The following PPP3R1 variants were observed in gnomAD, a reference collection of about 807,000 sequenced individuals.
PPP3R1 encodes calcineurin subunit B type 1.
In PPP3R1, 5 loss-of-function variants were observed where a neutral mutation model predicts 22.6. The ratio of observed to expected loss-of-function variants is 0.22; its 90% CI spans 0.12 to 0.46. The LOEUF (loss-of-function observed/expected upper bound fraction) is 0.46, where lower values mean the gene tolerates loss of function less well. Ranked by LOEUF, PPP3R1 falls within the 20% of genes least tolerant of loss-of-function variation. PPP3R1 has a pLI of 0.99. For synonymous variants in PPP3R1, 56 were observed against 65.2 expected (o/e 0.86, Z 0.68); for missense variants, 61 against 203.2 (o/e 0.30, Z 4.25).
chr2:68,182,537 C>T (rs1467401726), intron 5 of PPP3R1, among the ~76,000 whole-genome samples: 4 of 151,728 alleles, frequency 2.6e-5, no homozygotes, highest in Admixed American at 6.6e-5. Flanking sequence ...ATTTTTCAGC[C>T]AGGTGCGGTG....
chr2:68,223,947 C>T (rs1189174104), intron 1 of PPP3R1, among the ~76,000 whole-genome samples: 2 of 151,890 alleles, frequency 1.3e-5, no homozygotes, highest in Non-Finnish European at 2.9e-5. Context: ...TTAAGCAAGA[C>T]GGCAAGATAA....
Position 68,179,806 on chromosome 2 carries a change from G to T in PPP3R1, c.*1157C>A, listed in dbSNP as rs1446025372. On this transcript the variant is annotated 3_prime_UTR_variant, in exon 6 of 6. Transcript: ENST00000234310. The stretch of plus-strand genomic sequence containing the variant: ...AAGAAATTTAAGTGGCATAAATTTG[G>T]ATACAATTTTGCTCTTCTGTGGCAT... 1.3e-5 allele frequency: 2 copies of T among 152,122 alleles called. No homozygotes were observed. Among genetic ancestry groups the T allele is most frequent in the Non-Finnish European group, 2.9e-5 (2 of 68,006 alleles). 9.4% of individuals were successfully genotyped at this position (152,122 alleles called of 1,614,324 possible).
chr2:68,188,474 TTAGA>T, intron 3 of PPP3R1, 36 bp downstream of exon 3: 1 of 1,473,588 alleles, frequency 6.8e-7, no homozygotes, highest in South Asian at 1.3e-5. Flanking sequence ...TACAAATAGG[TTAGA>T]TAACTTGTGG....
chr2:68,205,228 G>A (rs1444281815), intron 2 of PPP3R1, among the ~76,000 whole-genome samples: 1 of 147,348 alleles, frequency 6.8e-6, no homozygotes, highest in Middle Eastern at 3.2e-3. Context: ...TTCCTTGTAA[G>A]TAATCAGTAT....
chr2:68,250,228 CT>C (rs1326312994), intron 1 of PPP3R1, among the ~76,000 whole-genome samples: 10 of 151,012 alleles, frequency 6.6e-5, no homozygotes, highest in Non-Finnish European at 1.3e-4. Flanking sequence ...ACATAATGAC[CT>C]GGCAGGAAAC....
intron 1 of PPP3R1, among the ~76,000 whole-genome samples, chr2:68,231,357 TTTTC>T (rs748842730): frequency 6.6e-5 from 10 of 152,164 alleles, no homozygotes; most frequent in South Asian, 4.2e-4. Flanking sequence ...TTTGCTGAAG[TTTTC>T]TTTCTTTTTT....
chr2:68,197,999 T>G (rs1028231218), intron 2 of PPP3R1, among the ~76,000 whole-genome samples: 1 of 145,170 alleles, frequency 6.9e-6, no homozygotes, highest in Non-Finnish European at 1.5e-5. Context: ...ATAATGACTT[T>G]TTATTCCATA....
chr2:68,197,879 T>A, intron 2 of PPP3R1, among the ~76,000 whole-genome samples: 1 of 151,758 alleles, frequency 6.6e-6, no homozygotes, highest in African/African-American at 2.4e-5. Flanking sequence ...TCTTTACCCA[T>A]CCTTGATCAT....
intron 1 of PPP3R1, among the ~76,000 whole-genome samples, chr2:68,235,049 T>TA (rs1669993688): frequency 6.6e-6 from 1 of 152,194 alleles, no homozygotes; most frequent in African/African-American, 2.4e-5. Flanking sequence ...GACAAGTACT[T>TA]AAATTTTGAA....
chr2:68,199,684 C>T (rs951984196), intron 2 of PPP3R1, among the ~76,000 whole-genome samples: 7 of 152,148 alleles, frequency 4.6e-5, no homozygotes, highest in African/African-American at 1.7e-4. Flanking sequence ...TACATTTTGC[C>T]AAACACTTTG....
chr2:68,252,363 G>T lies in PPP3R1; in HGVS notation c.-236C>A, dbSNP rs1670387304. The T allele has an allele frequency of 2.0e-6, 2 of 1,006,714 alleles. No individual in the cohort carries two copies. The highest frequency in any genetic ancestry group is 2.4e-6 in the Non-Finnish European group (2 of 845,142). 62.4% of individuals were successfully genotyped at this position (1,006,714 alleles called of 1,614,324 possible). ...TAAATTAAGGTCGAGATTCAGAGCCGGAGAGCGCGGGAGGAGCAGCGGCGA... is the reference window on the plus strand; with the variant it reads ...TAAATTAAGGTCGAGATTCAGAGCCTGAGAGCGCGGGAGGAGCAGCGGCGA... On this transcript the variant is annotated 5_prime_UTR_variant, in exon 1 of 6. Transcript: ENST00000234310.
At chr2:68,233,231 G>A (rs1241359091) in intron 1 of PPP3R1, among the ~76,000 whole-genome samples, 7 of 152,112 alleles carry the variant, frequency 4.6e-5, no homozygotes, top group African/African-American at 1.7e-4. Flanking sequence ...TATACTTTAA[G>A]CTCCATGACA....
chr2:68,235,955 T>C (rs1252402820), intron 1 of PPP3R1, among the ~76,000 whole-genome samples: 1 of 152,230 alleles, frequency 6.6e-6, no homozygotes, highest in Non-Finnish European at 1.5e-5. Context: ...TTGAGCATCT[T>C]TGCATGCACT....
At chr2:68,232,124 T>TACAC (rs751934251) in intron 1 of PPP3R1, among the ~76,000 whole-genome samples, 2,865 of 97,996 alleles carry the variant, frequency 0.029, 228 homozygotes, top group African/African-American at 0.1. Flanking sequence ...TATATATATA[T>TACAC]ACACACACAC....
At chr2:68,215,753 AT>A (rs1572965435) in intron 2 of PPP3R1, among the ~76,000 whole-genome samples, 1 of 152,154 alleles carries the variant, frequency 6.6e-6, no homozygotes, top group East Asian at 1.9e-4. Flanking sequence ...AGACAACCAA[AT>A]TAAGGGAATG....
chr2:68,183,082 A>G (rs1417450581), intron 5 of PPP3R1, among the ~76,000 whole-genome samples: 1 of 151,872 alleles, frequency 6.6e-6, no homozygotes, highest in African/African-American at 2.4e-5. Context: ...TGGATCCTAC[A>G]CTCTCTACTT....
chr2:68,191,205 A>G (rs116371473), intron 2 of PPP3R1, among the ~76,000 whole-genome samples: 2,042 of 152,310 alleles, frequency 0.013, 47 homozygotes, highest in African/African-American at 0.046. Context: ...TCATCATTGT[A>G]TGAACATCAG....
At chr2:68,191,101 T>G (rs1674657387) in intron 2 of PPP3R1, among the ~76,000 whole-genome samples, 1 of 152,200 alleles carries the variant, frequency 6.6e-6, no homozygotes, top group East Asian at 1.9e-4. Flanking sequence ...GATGAAAAAT[T>G]TATGTAAATA....
Position 68,246,784 on chromosome 2 carries a change from T to C in PPP3R1, c.3+5341A>G, listed in dbSNP as rs752004956. 2.0e-5 allele frequency among the ~76,000 whole-genome samples: 3 copies of C among 152,224 alleles called. No individual in the cohort carries two copies. The East Asian group carries it at 5.8e-4, about 29-fold the overall frequency. On this transcript the variant is annotated intron_variant, in intron 1 of 5. Coordinates refer to ENST00000234310, the MANE Select transcript of PPP3R1 (RefSeq NM_000945.4). ...TCTCTTCACGTCTCATTTTATATTC[T>C]CTCTACACAGGATTTCATCCAGTTT... is the stretch of plus-strand genomic sequence containing the variant.
Sources: allele counts gnomAD v4.1 joint callset (sites outside exome capture counted in the v4.1 genomes callset), GRCh38; gene constraint gnomAD v4.1.1; transcripts MANE v1.5; gene names NCBI Gene and HGNC (gene_info 2026-07-23, HGNC 2026-07-21).